Variants in NREP observed in about 807,000 individuals in gnomAD.
NREP encodes the protein neuronal regeneration related protein.
A neutral mutation model predicts 8.6 loss-of-function variants in NREP; 5 were observed. The ratio of observed to expected loss-of-function variants is 0.58; its 90% CI spans 0.30 to 1.22. NREP has a LOEUF of 1.22. Ranked by LOEUF, NREP falls within the 50% of genes most tolerant of loss-of-function variation. The pLI, the probability that NREP is intolerant of heterozygous loss-of-function variation, is 0.07. For missense variants in NREP, 86 were observed against 82.5 expected (o/e 1.04, Z -0.17); for synonymous variants, 27 against 28.0 (o/e 0.96, Z 0.11).
chr5:111,754,500 T>C (rs974700123), intron 2 of NREP, among the ~76,000 whole-genome samples: 1 of 152,172 alleles, frequency 6.6e-6, no homozygotes, highest in Non-Finnish European at 1.5e-5. Context: ...CAGTAAAAAA[T>C]AAGTAAACAC....
At chr5:111,799,783 T>A (rs1751959823) in intron 2 of NREP, among the ~76,000 whole-genome samples, 1 of 152,228 alleles carries the variant, frequency 6.6e-6, no homozygotes, top group South Asian at 2.1e-4. Flanking sequence ...CAGAAATTAT[T>A]TGTAACTAAG....
chr5:111,793,920 G>T (rs1751814223), intron 2 of NREP, among the ~76,000 whole-genome samples: 1 of 152,128 alleles, frequency 6.6e-6, no homozygotes, highest in South Asian at 2.1e-4. Context: ...GCCAGGTGTG[G>T]TGGCATATGC....
intron 2 of NREP, among the ~76,000 whole-genome samples, chr5:111,921,605 T>A (rs1322125657): frequency 6.6e-6 from 1 of 152,198 alleles, no homozygotes. Flanking sequence ...GTTCGGGCAA[T>A]GTCCTTTAAA....
At chr5:111,872,295 G>A (rs2112498215) in intron 2 of NREP, among the ~76,000 whole-genome samples, 1 of 152,218 alleles carries the variant, frequency 6.6e-6, no homozygotes, top group South Asian at 2.1e-4. Flanking sequence ...TCTTACTTGA[G>A]GGATGGTCAG....
chr5:111,941,406 T>C (rs958413133), intron 2 of NREP, among the ~76,000 whole-genome samples: 12 of 152,070 alleles, frequency 7.9e-5, no homozygotes, highest in African/African-American at 4.8e-5. Flanking sequence ...GATCAAGGTG[T>C]CAGCAGAATT....
chr5:111,735,380 T>C (rs1554094284), intron 3 of NREP, 50 bp downstream of exon 3: 20 of 1,273,560 alleles, frequency 1.6e-5, no homozygotes, highest in African/African-American at 3.0e-5. Context: ...TTAAAACAAT[T>C]GTTTCTATAT....
chr5:111,926,416 C>T (rs1375435325), intron 2 of NREP, among the ~76,000 whole-genome samples: 1 of 152,102 alleles, frequency 6.6e-6, no homozygotes, highest in Non-Finnish European at 1.5e-5. Flanking sequence ...GTCGATTGTG[C>T]ATCGCTTGCA....
At position 111,911,596 on chromosome 5, in the gene NREP, G is replaced by A. The variant is rs919822242; in HGVS notation, c.135+63678C>T. Among the ~76,000 whole-genome samples the A allele has an allele frequency of 1.6e-4, 25 of 152,162 alleles. 1 individual carries two copies. The highest frequency in any genetic ancestry group is 4.6e-4 in the Admixed American group (7 of 15,266). On this transcript the variant is annotated intron_variant, in intron 2 of 3. Coordinates refer to the NREP transcript ENST00000395634. Reference sequence around the variant, plus strand: ...TGGACTTCTTCCCAAGAGCACAGATGTCATAAATAATTCACAACTAGATGA... The same window carrying A: ...TGGACTTCTTCCCAAGAGCACAGATATCATAAATAATTCACAACTAGATGA...
chr5:111,764,400 G>A (rs1751033373), intron 2 of NREP, among the ~76,000 whole-genome samples: 1 of 152,208 alleles, frequency 6.6e-6, no homozygotes, highest in South Asian at 2.1e-4. Context: ...AGTTCCACAT[G>A]GCTGGAGAGG....
chr5:111,762,136 T>C (rs1383043210), upstream of NREP, among the ~76,000 whole-genome samples: 1 of 152,144 alleles, frequency 6.6e-6, no homozygotes, highest in African/African-American at 2.4e-5. Flanking sequence ...AGTTGCATTA[T>C]GGAGTTAGAA....
intron 2 of NREP, among the ~76,000 whole-genome samples, chr5:111,801,580 T>C (rs905519506): frequency 6.6e-6 from 1 of 152,140 alleles, no homozygotes; most frequent in Non-Finnish European, 1.5e-5. Flanking sequence ...TATCCAGAAA[T>C]GAAATAAAAA....
exon 1 of NREP, chr5:111,976,757 T>C (rs1352210681): frequency 3.9e-6 from 6 of 1,550,514 alleles, no homozygotes; most frequent in Non-Finnish European, 5.2e-6. Context: ...CTGTTACTGC[T>C]TGAGGATAAA....
chr5:111,791,309 T>G (rs533248390), intron 2 of NREP, among the ~76,000 whole-genome samples: 16 of 152,308 alleles, frequency 1.1e-4, no homozygotes, highest in African/African-American at 3.6e-4. Flanking sequence ...AGAGATTCCT[T>G]GAACTTATTC....
chr5:111,822,477 C>T (rs1752534081), intron 2 of NREP, among the ~76,000 whole-genome samples: 1 of 152,176 alleles, frequency 6.6e-6, no homozygotes, highest in African/African-American at 2.4e-5. Flanking sequence ...AATCGGGATT[C>T]CTGAAAGGCT....
At chr5:111,907,770 A>G (rs1352691135) in intron 2 of NREP, among the ~76,000 whole-genome samples, 1 of 151,950 alleles carries the variant, frequency 6.6e-6, no homozygotes, top group Non-Finnish European at 1.5e-5. Context: ...GAAAACTCCT[A>G]CTTAATAAGA....
chr5:111,845,129 T>A (rs1431299403), intron 2 of NREP, among the ~76,000 whole-genome samples: 2 of 152,040 alleles, frequency 1.3e-5, no homozygotes, highest in Non-Finnish European at 2.9e-5. Flanking sequence ...AGGGCAGACC[T>A]TGTGCTAGGG....
At chr5:111,757,548 G>C, upstream of NREP, 5 of 984,870 alleles carry the variant, frequency 5.1e-6, no homozygotes, top group Non-Finnish European at 4.8e-6. Flanking sequence ...CCGCCTAGGA[G>C]CCAGACTGCT....
intron 2 of NREP, among the ~76,000 whole-genome samples, chr5:111,830,025 A>G (rs1201682793): frequency 6.6e-6 from 1 of 152,184 alleles, no homozygotes; most frequent in Non-Finnish European, 1.5e-5. Context: ...CACTCAGGAA[A>G]ACTTTCCTAG....
chr5:111,855,156 A>G (rs1195285377), intron 2 of NREP, among the ~76,000 whole-genome samples: 1 of 152,190 alleles, frequency 6.6e-6, no homozygotes, highest in Non-Finnish European at 1.5e-5. Flanking sequence ...TGTCTATGCC[A>G]AATTGTACAC....
Sources: gnomAD v4.1 joint callset for allele counts (sites outside exome capture counted in the v4.1 genomes callset) on GRCh38, gnomAD v4.1.1 for gene constraint, MANE v1.5 for transcripts, NCBI Gene and HGNC (gene_info 2026-07-23, HGNC 2026-07-21) for gene names.